The following FOXP2 variants were observed in gnomAD, a reference collection of about 807,000 sequenced individuals.
FOXP2 encodes forkhead box P2, also known as forkhead box protein P2.
FOXP2 carries 12 observed loss-of-function variants against 115.8 expected under a neutral mutation model. The observed-to-expected ratio is 0.10, with a 90% confidence interval of 0.07 to 0.17. The LOEUF (loss-of-function observed/expected upper bound fraction) is 0.17. FOXP2 is among the 10% of genes least tolerant of loss of function. The pLI is 1.00. For missense variants in FOXP2, 629 were observed against 843.5 expected, an observed-to-expected ratio of 0.75 and a Z score of 3.15; for synonymous variants, 328 against 297.7, an observed-to-expected ratio of 1.10 and a Z score of -1.05.
chr7:114,132,892 C>A (rs1791930316), intron 1 of FOXP2, among the ~76,000 whole-genome samples: 1 of 152,060 alleles, frequency 6.6e-6, no homozygotes, highest in African/African-American at 2.4e-5. Flanking sequence ...TTCTAGGCCA[C>A]TGGAGGGTTT....
chr7:114,580,316 G>T (rs1329163398), intron 3 of FOXP2, among the ~76,000 whole-genome samples: 2 of 152,188 alleles, frequency 1.3e-5, no homozygotes, highest in Admixed American at 6.5e-5. Context: ...GGTGGCTCAC[G>T]CCTGTAATCC....
In FOXP2 at chr7:114,193,166, C is replaced by T. The variant is rs536977645; in HGVS notation, c.-102+30078C>T. ...GAAGAAAAGGTATTTAATACTGTAA[C>T]GTAATTTGTGGTAAATAGTTATAGG... On this transcript the variant is annotated intron_variant, in intron 1 of 17. Coordinates refer to the FOXP2 transcript ENST00000634411. 7.9e-5 allele frequency among the ~76,000 whole-genome samples: 12 copies of T among 151,982 alleles called. No homozygotes were observed. The East Asian group carries it at 2.3e-3, about 29-fold the overall frequency.
At chr7:114,610,037 G>A (rs1287708440) in intron 3 of FOXP2, among the ~76,000 whole-genome samples, 1 of 152,216 alleles carries the variant, frequency 6.6e-6, no homozygotes, top group Non-Finnish European at 1.5e-5. Flanking sequence ...ACTAACAGTT[G>A]CTCAGTGATC....
intron 1 of FOXP2, among the ~76,000 whole-genome samples, chr7:114,187,272 G>A (rs943725555): frequency 2.6e-5 from 4 of 151,944 alleles, no homozygotes; most frequent in Non-Finnish European, 5.9e-5. Context: ...TTAATATATG[G>A]AATTAAAAGA....
chr7:114,541,313 C>G (rs1799649768), intron 3 of FOXP2, among the ~76,000 whole-genome samples: 1 of 151,866 alleles, frequency 6.6e-6, no homozygotes, highest in Admixed American at 6.6e-5. Flanking sequence ...AAGAGGAGCT[C>G]AGTAACATTC....
chr7:114,202,423 T>A (rs1794091520), intron 1 of FOXP2, among the ~76,000 whole-genome samples: 2 of 152,226 alleles, frequency 1.3e-5, no homozygotes, highest in Admixed American at 1.3e-4. Flanking sequence ...AGGTAGTTTT[T>A]CAAGAGTCAG....
At chr7:114,521,636 C>G (rs1263095783) in intron 2 of FOXP2, among the ~76,000 whole-genome samples, 4 of 150,928 alleles carry the variant, frequency 2.7e-5, no homozygotes, top group African/African-American at 4.9e-5. Context: ...TAACTGGAGA[C>G]AGTGAGATAA....
chr7:114,432,169 G>T (rs1444258048), intron 2 of FOXP2, among the ~76,000 whole-genome samples: 1 of 151,928 alleles, frequency 6.6e-6, no homozygotes, highest in Non-Finnish European at 1.5e-5. Flanking sequence ...TTTAATTAAT[G>T]TCAGTTAGGA....
At chr7:114,499,817 A>G (rs1455018444) in intron 2 of FOXP2, 2 of 152,234 alleles carry the variant, frequency 1.3e-5, no homozygotes, top group Non-Finnish European at 2.9e-5. Context: ...AACAAATAAC[A>G]TTAAAACTTA....
At chr7:114,642,801 TATATATATA>T (rs1373500490) in intron 7 of FOXP2, among the ~76,000 whole-genome samples, 178 bp downstream of exon 7, 218 of 67,986 alleles carry the variant, frequency 3.2e-3, no homozygotes, top group Non-Finnish European at 4.0e-3. Context: ...TATATATATA[TATATATATA>T]TATTTTTTTT....
rs1794655644 is a variant in FOXP2, at chr7:114,442,610, A to G, written c.168+15931A>G. 2.0e-5 allele frequency among the ~76,000 whole-genome samples: 3 copies of G among 152,128 alleles called. No individual in the cohort carries two copies. In the South Asian group the frequency reaches 6.2e-4, roughly 32 times the overall value. On this transcript the variant is annotated intron_variant, in intron 2 of 16. Coordinates refer to ENST00000350908, the MANE Select transcript of FOXP2 (RefSeq NM_014491.4). ...GTAGCTGGGACTACAGGCACATGCC[A>G]TCATGCCTGGCTATCATATTTTTAG...
At chr7:114,648,974 C>T (rs570132328) in intron 8 of FOXP2, among the ~76,000 whole-genome samples, 88 of 152,110 alleles carry the variant, frequency 5.8e-4, no homozygotes, top group African/African-American at 2.1e-3. Context: ...CCAGAGCTTG[C>T]TTTGCTCTTA....
intron 3 of FOXP2, among the ~76,000 whole-genome samples, chr7:114,572,496 C>A: frequency 6.6e-6 from 1 of 151,664 alleles, no homozygotes. Flanking sequence ...TAAGTATTCT[C>A]TGTATATTTT....
At chr7:114,322,326 T>C (rs555711262) in intron 2 of FOXP2, among the ~76,000 whole-genome samples, 1 of 151,100 alleles carries the variant, frequency 6.6e-6, no homozygotes, top group Admixed American at 6.6e-5. Context: ...CCCTGACAGA[T>C]AATTGCTTTA....
At chr7:114,632,626 A>G (rs542063502) in intron 6 of FOXP2, among the ~76,000 whole-genome samples, 10 of 152,174 alleles carry the variant, frequency 6.6e-5, no homozygotes, top group Admixed American at 1.3e-4. Context: ...TAAAGGACAT[A>G]CTAAAGAAAA....
At chr7:114,351,461 T>G (rs11772999) in intron 2 of FOXP2, among the ~76,000 whole-genome samples, 2,296 of 152,226 alleles carry the variant, frequency 0.015, 23 homozygotes, top group Middle Eastern at 0.034. Flanking sequence ...ATTGGTGCTT[T>G]ATAATCCAAA....
intron 3 of FOXP2, among the ~76,000 whole-genome samples, chr7:114,560,554 T>C (rs573515898): frequency 2.8e-4 from 43 of 152,172 alleles, no homozygotes; most frequent in Non-Finnish European, 6.0e-4. Flanking sequence ...AGGCAGCAGT[T>C]GCAGTGAGTT....
chr7:114,476,720 T>C (rs1796283453), intron 2 of FOXP2, among the ~76,000 whole-genome samples: 1 of 152,120 alleles, frequency 6.6e-6, no homozygotes. Context: ...AGTTTAGCTA[T>C]GTTTAGGATA....
chr7:114,381,551 T>C (rs560863978), intron 2 of FOXP2, among the ~76,000 whole-genome samples: 29 of 152,100 alleles, frequency 1.9e-4, no homozygotes, highest in Non-Finnish European at 2.9e-4. Flanking sequence ...AAACAAGAAT[T>C]GAGAGTCAGG....
Sources: gnomAD v4.1 joint callset for allele counts (sites outside exome capture counted in the v4.1 genomes callset) on GRCh38, gnomAD v4.1.1 for gene constraint, MANE v1.5 for transcripts, NCBI Gene and HGNC (gene_info 2026-07-23, HGNC 2026-07-21) for gene names.